SH3KBP1: variants seen among roughly 807,000 people sequenced by gnomAD.
The protein encoded by SH3KBP1 is SH3 domain containing kinase binding protein 1.
A neutral mutation model predicts 50.1 loss-of-function variants in SH3KBP1; 8 were observed. That is an observed-to-expected ratio of 0.16 (90% confidence interval 0.09 to 0.29). SH3KBP1 has a LOEUF of 0.29. SH3KBP1 is among the 10% of genes least tolerant of loss of function. SH3KBP1 has a pLI of 1.00. For synonymous variants in SH3KBP1, 227 were observed against 218.6 expected, an observed-to-expected ratio of 1.04 and a Z score of -0.34; for missense variants, 377 against 535.2, an observed-to-expected ratio of 0.70 and a Z score of 2.92.
chrX:19,735,146 T>C (rs2064510495), intron 3 of SH3KBP1, among the ~76,000 whole-genome samples: 1 of 112,148 alleles, frequency 8.9e-6, no homozygotes, highest in Non-Finnish European at 1.9e-5. Context: ...TTAAGATTGG[T>C]AGTGATGTTC....
rs759247073 is a variant in SH3KBP1 at position 19,707,018 on chromosome X, T to C, written c.287-34A>G. ...GAAAAGCAAAATATTTAGAGACAGCTCTTCTCCCCAAATCAGATTTTAAAG... is the reference window on the plus strand; with the variant it reads ...GAAAAGCAAAATATTTAGAGACAGCCCTTCTCCCCAAATCAGATTTTAAAG... On this transcript the variant is annotated intron_variant, in intron 3 of 17. Coordinates refer to ENST00000397821, the MANE Select transcript of SH3KBP1 (RefSeq NM_031892.3). 9.3e-5 allele frequency: 101 copies of C among 1,087,158 alleles called. No individual in the cohort carries two copies. In the South Asian group the frequency reaches 1.7e-3, roughly 19 times the overall value. 89.6% of individuals were successfully genotyped at this position (1,087,158 alleles called of 1,213,427 possible).
intron 8 of SH3KBP1, among the ~76,000 whole-genome samples, chrX:19,614,189 G>C (rs1258403926): frequency 8.9e-6 from 1 of 112,764 alleles, no homozygotes; most frequent in African/African-American, 3.2e-5. Context: ...TGAGGAAGGA[G>C]GCCTTGCCCA....
chrX:19,545,542 C>G (rs1340990240), intron 15 of SH3KBP1, among the ~76,000 whole-genome samples: 1 of 112,136 alleles, frequency 8.9e-6, no homozygotes, highest in Non-Finnish European at 1.9e-5. Flanking sequence ...ACATAAAAGA[C>G]AAGATCTGTG....
chrX:19,643,300 A>ATTTTTTTTTT lies in SH3KBP1; in HGVS notation c.802+2099_802+2100insAAAAAAAAAA, dbSNP rs201544483. ...AGTGTGTGTGGGCTGAAACTGAAGA[A>ATTTTTTTTTT]TTTTTTATTTTTTTTTTTTTTATTT... On this transcript the variant is annotated intron_variant, in intron 7 of 17. Coordinates refer to ENST00000397821, the MANE Select transcript of SH3KBP1 (RefSeq NM_031892.3). Among the ~76,000 whole-genome samples, 58 of 86,869 alleles carry ATTTTTTTTTT rather than the reference A, an allele frequency of 6.7e-4. 9 individuals are homozygous for ATTTTTTTTTT. Among genetic ancestry groups the ATTTTTTTTTT allele is most frequent in the African/African-American group, 1.5e-3 (26 of 17,416 alleles). 75.4% of individuals were successfully genotyped at this position (86,869 alleles called of 115,157 possible).
intron 16 of SH3KBP1, among the ~76,000 whole-genome samples, chrX:19,538,282 G>A (rs1373037540): frequency 8.9e-6 from 1 of 112,161 alleles, no homozygotes; most frequent in Non-Finnish European, 1.9e-5. Context: ...ATGGGTCACT[G>A]CAGCCTCAAC....
intron 7 of SH3KBP1, among the ~76,000 whole-genome samples, chrX:19,635,812 G>C (rs1378127440): frequency 3.6e-5 from 4 of 111,134 alleles, no homozygotes; most frequent in African/African-American, 1.3e-4. Context: ...AATTCTTGGA[G>C]AAAAGCAAGG....
intron 8 of SH3KBP1, among the ~76,000 whole-genome samples, chrX:19,612,723 C>T (rs896160784): frequency 8.9e-6 from 1 of 111,852 alleles, no homozygotes; most frequent in Admixed American, 9.5e-5. Context: ...CCATCATGTC[C>T]TTGTGGGGCT....
At chrX:19,781,540 C>T (rs1374022051) in intron 2 of SH3KBP1, among the ~76,000 whole-genome samples, 1 of 108,214 alleles carries the variant, frequency 9.2e-6, no homozygotes, top group East Asian at 2.9e-4. Context: ...ATCACTTGAG[C>T]CCAGGAGGTC....
rs370190945 is a variant in SH3KBP1 at position 19,813,160 on chromosome X, AAAG to A, written c.162+22962_162+22964del. 4.2e-3 allele frequency among the ~76,000 whole-genome samples: 437 copies of A among 104,561 alleles called. 2 individuals are homozygous for A. Among genetic ancestry groups the A allele is most frequent in the African/African-American group, 0.014 (370 of 27,208 alleles). The allele number at this position is 104,561 out of a possible 115,157, so 90.8% of individuals were successfully genotyped here. A position where few individuals can be genotyped will look rare whatever the true frequency, so the allele number is the denominator to read the frequency against. ...CCTGTCTCCAAAAACAAACAAAAAA[AAAG>A]AAGAAGAAGAAGAAGAAGAAGAAGA... On this transcript the variant is annotated intron_variant, in intron 2 of 17. Coordinates refer to ENST00000397821, the MANE Select transcript of SH3KBP1 (RefSeq NM_031892.3).
chrX:19,618,768 G>A (rs942433875), intron 8 of SH3KBP1, among the ~76,000 whole-genome samples: 8 of 109,350 alleles, frequency 7.3e-5, no homozygotes, highest in Non-Finnish European at 1.5e-4. Flanking sequence ...TTGAGTCTAG[G>A]AGTTTGAGAC....
chrX:19,756,535 C>A (rs1363636304), intron 2 of SH3KBP1, among the ~76,000 whole-genome samples: 2 of 108,173 alleles, frequency 1.8e-5, no homozygotes, highest in African/African-American at 6.7e-5. Flanking sequence ...GCCTCACATA[C>A]TTTCTAAGTA....
chrX:19,652,833 C>T (rs946638411), intron 6 of SH3KBP1, among the ~76,000 whole-genome samples: 2 of 111,872 alleles, frequency 1.8e-5, no homozygotes, highest in African/African-American at 6.5e-5. Context: ...CACCTAGGCT[C>T]ATGACTTGAA....
At chrX:19,670,445 T>C (rs2062758755) in intron 6 of SH3KBP1, 2 of 589,995 alleles carry the variant, frequency 3.4e-6, no homozygotes, top group African/African-American at 2.5e-5. Context: ...ATTTGTTTAC[T>C]GCACAAACAT....
At chrX:19,730,788 G>A (rs762493629) in intron 3 of SH3KBP1, among the ~76,000 whole-genome samples, 19 of 111,945 alleles carry the variant, frequency 1.7e-4, no homozygotes, top group Non-Finnish European at 3.2e-4. Flanking sequence ...TGAAAGTGAT[G>A]AGGAATCAAA....
chrX:19,621,239 T>A (rs1382138778), intron 8 of SH3KBP1, among the ~76,000 whole-genome samples: 1 of 45,059 alleles, frequency 2.2e-5, no homozygotes, highest in African/African-American at 1.1e-4. Context: ...CACACCTGGC[T>A]AATTTTTTTT....
chrX:19,563,056 G>T (rs976534961), intron 13 of SH3KBP1, among the ~76,000 whole-genome samples: 3 of 111,746 alleles, frequency 2.7e-5, no homozygotes, highest in African/African-American at 9.8e-5. Flanking sequence ...TGCGCTTATG[G>T]GATGTTATGG....
At chrX:19,652,062 C>T (rs1365738010) in intron 6 of SH3KBP1, among the ~76,000 whole-genome samples, 2 of 111,318 alleles carry the variant, frequency 1.8e-5, no homozygotes, top group African/African-American at 6.5e-5. Context: ...CTAGCATTAG[C>T]ACCTACCACA....
chrX:19,698,883 T>C (rs187845464), intron 4 of SH3KBP1, among the ~76,000 whole-genome samples: 381 of 110,259 alleles, frequency 3.5e-3, no homozygotes, highest in Non-Finnish European at 4.6e-3. Flanking sequence ...GCCTCACACA[T>C]TGAATGAATG....
At chrX:19,604,871 T>C (rs954555464) in intron 9 of SH3KBP1, among the ~76,000 whole-genome samples, 1 of 112,381 alleles carries the variant, frequency 8.9e-6, no homozygotes, top group African/African-American at 3.2e-5. Context: ...TTTTCAGCTA[T>C]AGGTATTACT....
Sources: gnomAD v4.1 joint callset for allele counts (sites outside exome capture counted in the v4.1 genomes callset) on GRCh38, gnomAD v4.1.1 for gene constraint, MANE v1.5 for transcripts, NCBI Gene and HGNC (gene_info 2026-07-23, HGNC 2026-07-21) for gene names.